CDK5RAP2: variants seen among roughly 807,000 people sequenced by gnomAD.
CDK5RAP2 encodes the protein CDK5 regulatory subunit-associated protein 2.
Under a neutral mutation model 232.9 loss-of-function variants are expected in CDK5RAP2, and 147 were observed. That is an observed-to-expected ratio of 0.63 (90% CI 0.55 to 0.72). CDK5RAP2 has a LOEUF of 0.72. Among genes scored for constraint, CDK5RAP2 ranks in the 30% least tolerant of loss-of-function variants. The pLI is 0.00. For synonymous variants in CDK5RAP2, 833 were observed against 833.7 expected, an observed-to-expected ratio of 1.00 and a Z score of 0.01; for missense variants, 2,195 against 2,231.5, an observed-to-expected ratio of 0.98 and a Z score of 0.33.
intron 12 of CDK5RAP2, among the ~76,000 whole-genome samples, chr9:120,512,533 A>G (rs139874195): frequency 1.8e-4 from 27 of 152,366 alleles, no homozygotes; most frequent in African/African-American, 5.8e-4. Context: ...ATTAGCCAGA[A>G]TACTTCAAGT....
rs1333167374 is a variant in CDK5RAP2 at position 120,400,785 on chromosome 9, A to G, written c.5408T>C (p.Val1803Ala). The G allele has an allele frequency of 6.2e-7, 1 of 1,613,750 alleles. No homozygotes were observed. The highest frequency in any genetic ancestry group is 8.5e-7 in the Non-Finnish European group (1 of 1,179,952). ...AYRRLKLLWRVSLPEDGQCPL... is the reference protein window; with the variant it reads ...AYRRLKLLWRASLPEDGQCPL... ...GCACTGGCCATCCTCGGGGAGTGAG[A>G]CTCTCCAGAGAAGCTTCAGCCGCCT... The change falls in exon 35 of 38, where the codon GTC becomes GCC. Residue 1803 changes from valine (V) to alanine (A), a missense_variant. Coordinates refer to ENST00000349780, the MANE Select transcript of CDK5RAP2 (RefSeq NM_018249.6).
intron 2 of CDK5RAP2, among the ~76,000 whole-genome samples, chr9:120,568,992 C>T (rs2132181629): frequency 6.6e-6 from 1 of 152,318 alleles, no homozygotes; most frequent in African/African-American, 2.4e-5. Context: ...ACCCAAATCT[C>T]TCCGCAGCAT....
chr9:120,493,799 C>G (rs1425647082), intron 12 of CDK5RAP2, among the ~76,000 whole-genome samples: 1 of 152,172 alleles, frequency 6.6e-6, no homozygotes, highest in Non-Finnish European at 1.5e-5. Context: ...GGAGAACCTG[C>G]TTACTTATTA....
chr9:120,389,942 G>A, intron 36 of CDK5RAP2, 155 bp from the exon 37 acceptor site: 2 of 705,866 alleles, frequency 2.8e-6, no homozygotes, highest in Non-Finnish European at 5.2e-6. Flanking sequence ...GAGGTACAAA[G>A]GGCCCACCTG....
At chr9:120,434,808 A>T (rs2035481320) in intron 25 of CDK5RAP2, among the ~76,000 whole-genome samples, 1 of 152,214 alleles carries the variant, frequency 6.6e-6, no homozygotes, top group South Asian at 2.1e-4. Context: ...TGATCCTTGG[A>T]TTTGGCAAAG....
chr9:120,407,455 G>A, intron 31 of CDK5RAP2: 1 of 591,432 alleles, frequency 1.7e-6, no homozygotes, highest in South Asian at 2.0e-5. Context: ...AATAAGAGCT[G>A]GAAATTAATT....
At chr9:120,497,044 C>A (rs1296793082) in intron 12 of CDK5RAP2, among the ~76,000 whole-genome samples, 3 of 133,020 alleles carry the variant, frequency 2.3e-5, no homozygotes, top group Admixed American at 2.2e-4. Context: ...ACATGGGAGA[C>A]TTTTCATTTT....
Position 120,407,440 on chromosome 9 carries a change from C to G in CDK5RAP2, c.4727-192G>C, listed in dbSNP as rs2282168. 0.8 allele frequency: 498,662 copies of G among 620,264 alleles called. 201,019 individuals are homozygous for G. Among genetic ancestry groups the G allele is most frequent in the East Asian group, 0.88 (31,901 of 36,158 alleles). 38.4% of individuals were successfully genotyped at this position (620,264 alleles called of 1,614,324 possible). A position where few individuals can be genotyped will look rare whatever the true frequency, so the allele number is the denominator to read the frequency against. ...CAGACTTAATTGCTGCTATTCCACA[C>G]GCTAAATAAGAGCTGGAAATTAATT... On this transcript the variant is annotated intron_variant, in intron 31 of 37. Transcript: ENST00000349780.
chr9:120,508,113 A>G (rs943719770), intron 12 of CDK5RAP2, among the ~76,000 whole-genome samples: 2 of 151,972 alleles, frequency 1.3e-5, no homozygotes, highest in Non-Finnish European at 1.5e-5. Context: ...TCATCCATCA[A>G]ATTTCCACCT....
chr9:120,486,725 G>C (rs1455648928), intron 14 of CDK5RAP2, among the ~76,000 whole-genome samples: 1 of 152,180 alleles, frequency 6.6e-6, no homozygotes, highest in Non-Finnish European at 1.5e-5. Flanking sequence ...TACTAAGCAG[G>C]ATCAGGAAAG....
intron 10 of CDK5RAP2, among the ~76,000 whole-genome samples, chr9:120,526,270 C>T (rs1023472879): frequency 6.6e-6 from 1 of 152,170 alleles, no homozygotes; most frequent in Non-Finnish European, 1.5e-5. Context: ...GGATGGTCCA[C>T]GGGCTCCTCA....
chr9:120,531,183 C>T (rs555407125), intron 7 of CDK5RAP2, among the ~76,000 whole-genome samples: 6 of 152,144 alleles, frequency 3.9e-5, no homozygotes, highest in African/African-American at 1.2e-4. Context: ...TTTCAGTTCT[C>T]TCCCGAAGCC....
At chr9:120,408,769 G>A (rs1253114882) in intron 30 of CDK5RAP2, among the ~76,000 whole-genome samples, 1 of 152,184 alleles carries the variant, frequency 6.6e-6, no homozygotes, top group East Asian at 1.9e-4. Context: ...GCTCTGTCCG[G>A]CACAGGCCTA....
chr9:120,568,546 G>A (rs1293517228), intron 2 of CDK5RAP2, among the ~76,000 whole-genome samples, 158 bp from the exon 3 acceptor site: 4 of 152,086 alleles, frequency 2.6e-5, no homozygotes, highest in African/African-American at 7.2e-5. Flanking sequence ...TTTGCTCCAG[G>A]GAAAGCTCTA....
chr9:120,448,169 C>T lies in CDK5RAP2; in HGVS notation c.2794-43G>A, dbSNP rs370917224. 2.1e-4 allele frequency: 305 copies of T among 1,477,310 alleles called. 1 individual carries two copies. Among genetic ancestry groups the T allele is most frequent in the Non-Finnish European group, 2.6e-4 (277 of 1,055,584 alleles). 91.5% of individuals were successfully genotyped at this position (1,477,310 alleles called of 1,614,324 possible). On this transcript the variant is annotated intron_variant, in intron 21 of 37. Transcript: ENST00000349780. The stretch of plus-strand genomic sequence containing the variant: ...CAACAATGAATACACTTTGAACACA[C>T]TTCCTTTGGTTGCACAGTCAACATT...
In CDK5RAP2 at chr9:120,403,941, C is replaced by A; in HGVS notation, c.5041+95G>T. 1 of 828,928 alleles carries A rather than the reference C, an allele frequency of 1.2e-6. No homozygotes were observed. Among genetic ancestry groups the A allele is most frequent in the Non-Finnish European group, 2.1e-6 (1 of 471,808 alleles). The allele number at this position is 828,928 out of a possible 1,614,324, so 51.3% of individuals were successfully genotyped here. A position where few individuals can be genotyped will look rare whatever the true frequency, so the allele number is the denominator to read the frequency against. On this transcript the variant is annotated intron_variant, in intron 33 of 37. Coordinates refer to ENST00000349780, the MANE Select transcript of CDK5RAP2 (RefSeq NM_018249.6). The surrounding 1 kb of genome is among the most constrained non-coding windows in gnomAD (Gnocchi z 4.2). The stretch of plus-strand genomic sequence containing the variant: ...TCCCAAATCCTTACCAAATACCCTC[C>A]TGAGTTGGGACCAGGGACCCCCCTT...
At position 120,447,971 on chromosome 9, in the gene CDK5RAP2, C is replaced by T. The variant is rs774286736; in HGVS notation, c.2949G>A (p.Lys983=). 6.2e-7 allele frequency: 1 copy of T among 1,614,192 alleles called. No individual in the cohort carries two copies. ...CCAGAATTAACTTTTGGTGAAGTTG[C>T]TTATTACAAGTTTTAAACTCCTTCA... The part of the protein sequence containing the change: ...GELKEFKTCN[K]QLHQKLILAE... Residue 983 remains lysine, a synonymous_variant, in exon 22 of 38, where the codon AAG becomes AAA. Coordinates refer to ENST00000349780, the MANE Select transcript of CDK5RAP2 (RefSeq NM_018249.6).
At chr9:120,540,362 C>A (rs2041579412) in intron 5 of CDK5RAP2, among the ~76,000 whole-genome samples, 1 of 152,170 alleles carries the variant, frequency 6.6e-6, no homozygotes, top group Admixed American at 6.5e-5. Flanking sequence ...GCTTCCCATG[C>A]CCTACTTTAA....
At chr9:120,493,679 A>G (rs2039015592) in intron 12 of CDK5RAP2, among the ~76,000 whole-genome samples, 1 of 152,354 alleles carries the variant, frequency 6.6e-6, no homozygotes, top group Admixed American at 6.5e-5. Flanking sequence ...CAGAGAAATA[A>G]GTCAAATGAC....
Sources: gnomAD v4.1 joint callset for allele counts (sites outside exome capture counted in the v4.1 genomes callset) on GRCh38, gnomAD v4.1.1 for gene constraint, Gnocchi (gnomAD v3.1) non-coding constraint, MANE v1.5 for transcripts, NCBI Gene and HGNC (gene_info 2026-07-23, HGNC 2026-07-21) for gene names.